The following ICA1L variants were observed in gnomAD, a reference collection of about 807,000 sequenced individuals.
The protein encoded by ICA1L is islet cell autoantigen 1-like protein.
Under a neutral mutation model 61.3 loss-of-function variants are expected in ICA1L, and 50 were observed. The ratio of observed to expected loss-of-function variants is 0.82; its 90% CI spans 0.65 to 1.03. ICA1L has a LOEUF of 1.03. Among genes scored for constraint, ICA1L ranks in the 50% least tolerant of loss-of-function variants. The probability of loss-of-function intolerance (pLI) is 0.00; values close to 1 mark genes in which losing one functional copy is unlikely to be tolerated. For synonymous variants in ICA1L, 161 were observed against 191.3 expected (o/e 0.84, Z 1.31); for missense variants, 508 against 556.7 (o/e 0.91, Z 0.88).
At position 202,779,426 on chromosome 2, in the gene ICA1L, C is replaced by A; in HGVS notation, c.*107G>T. 3 of 635,376 alleles carry A rather than the reference C, an allele frequency of 4.7e-6. No homozygotes were observed. The highest frequency in any genetic ancestry group is 8.1e-6 in the Non-Finnish European group (3 of 371,322). The allele number at this position is 635,376 out of a possible 1,614,324, so 39.4% of individuals were successfully genotyped here. On this transcript the variant is annotated 3_prime_UTR_variant, in exon 13 of 13. Coordinates refer to ENST00000358299, the MANE Select transcript of ICA1L (RefSeq NM_001288622.3). ...AGTTGGCTGACAGGTGTTATATTCA[C>A]AAACACCGTGCTTTTGTGTGCGGGT...
intron 1 of ICA1L, among the ~76,000 whole-genome samples, chr2:202,867,613 TA>T (rs2105894550): frequency 6.6e-6 from 1 of 152,334 alleles, no homozygotes; most frequent in Non-Finnish European, 1.5e-5. Context: ...TAATGGCCAT[TA>T]AGCACATAAA....
chr2:202,805,700 A>G (rs961565627), intron 9 of ICA1L, among the ~76,000 whole-genome samples: 1 of 152,218 alleles, frequency 6.6e-6, no homozygotes, highest in Non-Finnish European at 1.5e-5. Context: ...TGCTAAAAGA[A>G]TAATAATAAT....
chr2:202,814,859 T>C (rs923268880), intron 7 of ICA1L, 75 bp from the exon 8 acceptor site: 2 of 994,906 alleles, frequency 2.0e-6, no homozygotes, highest in Non-Finnish European at 3.1e-6. Context: ...AATGAGAATA[T>C]AAATTCTAAA....
chr2:202,780,835 C>G (rs1350701594), intron 12 of ICA1L, among the ~76,000 whole-genome samples: 1 of 152,130 alleles, frequency 6.6e-6, no homozygotes. Context: ...GGGTGTAACA[C>G]CTACTAATGA....
At chr2:202,837,093 C>T (rs1012053264) in intron 1 of ICA1L, among the ~76,000 whole-genome samples, 1 of 152,014 alleles carries the variant, frequency 6.6e-6, no homozygotes, top group Non-Finnish European at 1.5e-5. Context: ...CCGCCCACCT[C>T]GGCCTCCCAA....
intron 9 of ICA1L, among the ~76,000 whole-genome samples, chr2:202,810,298 G>T (rs549768362): frequency 3.3e-5 from 5 of 152,332 alleles, no homozygotes; most frequent in Admixed American, 2.6e-4. Flanking sequence ...CAGAGGGACC[G>T]GCTGAAGCCA....
rs542516736 is a variant in ICA1L at position 202,849,500 on chromosome 2, G to GCTAAA, written c.-7-20485_-7-20484insTTTAG. On this transcript the variant is annotated intron_variant, in intron 1 of 12. Transcript: ENST00000358299. The surrounding 1 kb of genome is among the most constrained non-coding windows in gnomAD (Gnocchi z 4.5). ...GAGTAGGCAGTTTTCCCCTGACAGT[G>GCTAAA]CTAAGGAGGCCAGGCAGTTTAGACT... Among the ~76,000 whole-genome samples the GCTAAA allele has an allele frequency of 6.5e-3, 989 of 152,326 alleles. 6 individuals are homozygous for GCTAAA. The highest frequency in any genetic ancestry group is 0.023 in the African/African-American group (948 of 41,580).
intron 1 of ICA1L, among the ~76,000 whole-genome samples, chr2:202,861,807 C>T (rs1042222402): frequency 1.3e-5 from 2 of 150,610 alleles, no homozygotes; most frequent in African/African-American, 2.4e-5. Flanking sequence ...ATCACTTGAA[C>T]CCAGGATACA....
At position 202,819,645 on chromosome 2, in the gene ICA1L, C is replaced by G. The variant is rs146996620; in HGVS notation, c.558+56G>C. ...CTGAAATTTTATTATCTTAATTATTCTGTGGCAGTTTCATATTTCATACAC... is the reference window on the plus strand; with the variant it reads ...CTGAAATTTTATTATCTTAATTATTGTGTGGCAGTTTCATATTTCATACAC... On this transcript the variant is annotated intron_variant, in intron 5 of 12. Coordinates refer to ENST00000358299, the MANE Select transcript of ICA1L (RefSeq NM_001288622.3). 7.1e-4 allele frequency: 884 copies of G among 1,237,452 alleles called. 7 individuals carry two copies. In the African/African-American group the frequency reaches 0.012, roughly 17 times the overall value. The allele number at this position is 1,237,452 out of a possible 1,614,324, so 76.7% of individuals were successfully genotyped here.
At position 202,821,332 on chromosome 2, in the gene ICA1L, C is replaced by G. The variant is rs1693696506; in HGVS notation, c.359+26G>C. 1.2e-6 allele frequency: 2 copies of G among 1,603,086 alleles called. 1 individual carries two copies. The highest frequency in any genetic ancestry group is 2.3e-5 in the South Asian group (2 of 88,716). On this transcript the variant is annotated intron_variant, in intron 4 of 12. Transcript: ENST00000358299. ...AAAACTGTCAGATTGACTACAGATT[C>G]AAGATAATGAACAACCATGGTAAAC...
At chr2:202,781,778 TAGG>T (rs1241692240) in intron 12 of ICA1L, among the ~76,000 whole-genome samples, 2 of 152,114 alleles carry the variant, frequency 1.3e-5, no homozygotes, top group African/African-American at 4.8e-5. Context: ...GGTATGTACT[TAGG>T]AGTGGAATTG....
chr2:202,836,795 C>CCA (rs1694159435), intron 1 of ICA1L, among the ~76,000 whole-genome samples: 2 of 58,762 alleles, frequency 3.4e-5, no homozygotes, highest in Non-Finnish European at 4.6e-5. Flanking sequence ...GTGTGTATAT[C>CCA]TATATATATA....
chr2:202,812,649 T>C lies in ICA1L; in HGVS notation c.867-860A>G, dbSNP rs543850671. The stretch of plus-strand genomic sequence containing the variant: ...GGGCATGACCTCACAGTTGCTAGTA[T>C]TGAAAGTTGTTTTTAATAAATCTTT... On this transcript the variant is annotated intron_variant, in intron 8 of 12. Transcript: ENST00000358299. Among the ~76,000 whole-genome samples, 11 of 152,208 alleles carry C rather than the reference T, an allele frequency of 7.2e-5. No individual in the cohort carries two copies. The East Asian group carries it at 1.9e-3, about 27-fold the overall frequency.
Position 202,779,490 on chromosome 2 carries a change from A to G in ICA1L, c.*43T>C, listed in dbSNP as rs535654218. Reference sequence around the variant, plus strand: ...CTTTCCACGAAGGAAATACGTTGCAAAATTGATGTCTCAAGGCCACTGAAG... The same window carrying G: ...CTTTCCACGAAGGAAATACGTTGCAGAATTGATGTCTCAAGGCCACTGAAG... On this transcript the variant is annotated 3_prime_UTR_variant, in exon 13 of 13. Coordinates refer to ENST00000358299, the MANE Select transcript of ICA1L (RefSeq NM_001288622.3). The G allele has an allele frequency of 7.4e-6, 9 of 1,221,876 alleles. No individual in the cohort carries two copies. In the East Asian group the frequency reaches 2.1e-4, roughly 29 times the overall value. 75.7% of individuals were successfully genotyped at this position (1,221,876 alleles called of 1,614,324 possible).
At chr2:202,830,007 G>T (rs1693969851) in intron 1 of ICA1L, among the ~76,000 whole-genome samples, 1 of 152,078 alleles carries the variant, frequency 6.6e-6, no homozygotes, top group Admixed American at 6.5e-5. Flanking sequence ...AAATATTTTA[G>T]TGTCCAATAA....
At chr2:202,857,059 A>G (rs1024015311) in intron 1 of ICA1L, among the ~76,000 whole-genome samples, 8 of 152,222 alleles carry the variant, frequency 5.3e-5, no homozygotes, top group Non-Finnish European at 1.0e-4. Context: ...ATAGTGCCCA[A>G]AGTAATTTAT....
chr2:202,846,627 CTG>C (rs1694470756), intron 1 of ICA1L, among the ~76,000 whole-genome samples: 1 of 152,196 alleles, frequency 6.6e-6, no homozygotes. Flanking sequence ...ACACCCAACA[CTG>C]TAACAAGACT....
intron 1 of ICA1L, among the ~76,000 whole-genome samples, chr2:202,835,607 C>T (rs1694128570): frequency 6.6e-6 from 1 of 150,792 alleles, no homozygotes; most frequent in Admixed American, 6.6e-5. Context: ...AGTGCAATGG[C>T]ATGATCATGG....
intron 9 of ICA1L, among the ~76,000 whole-genome samples, chr2:202,799,348 G>C (rs1693027697): frequency 6.6e-6 from 1 of 152,100 alleles, no homozygotes; most frequent in African/African-American, 2.4e-5. Flanking sequence ...CTGTGGATTT[G>C]ATTTGCATTT....
Sources: gnomAD v4.1 joint callset for allele counts (sites outside exome capture counted in the v4.1 genomes callset) on GRCh38, gnomAD v4.1.1 for gene constraint, Gnocchi (gnomAD v3.1) non-coding constraint, MANE v1.5 for transcripts, NCBI Gene and HGNC (gene_info 2026-07-23, HGNC 2026-07-21) for gene names.